SRGAP3: variants seen among roughly 807,000 people sequenced by gnomAD.
The protein encoded by SRGAP3 is SLIT-ROBO Rho GTPase-activating protein 3.
SRGAP3 carries 39 observed loss-of-function variants against 121.1 expected under a neutral mutation model. That is an observed-to-expected ratio of 0.32 (90% CI 0.25 to 0.42). The LOEUF is 0.42. SRGAP3 is among the 10% of genes least tolerant of loss of function. The pLI is 1.00. For synonymous variants in SRGAP3, 601 were observed against 570.0 expected (o/e 1.05, Z -0.77); for missense variants, 1,213 against 1,470.6 (o/e 0.82, Z 2.86).
intron 1 of SRGAP3, chr3:9,349,247 C>G: frequency 1.8e-6 from 1 of 557,270 alleles, no homozygotes; most frequent in Non-Finnish European, 3.4e-6. Flanking sequence ...CATCGCGTCC[C>G]CCTGCCCCTC....
chr3:9,058,714 C>CTTTTTTTTTTTTT (rs71049768), intron 6 of SRGAP3: 1 of 192,552 alleles, frequency 5.2e-6, no homozygotes, highest in African/African-American at 4.8e-5. Context: ...TTCTCTCTCT[C>CTTTTTTTTTTTTT]TTTTTTTTTT....
At chr3:9,216,726 A>C (rs1156615164) in intron 1 of SRGAP3, 1 of 152,612 alleles carries the variant, frequency 6.6e-6, no homozygotes, top group Non-Finnish European at 1.5e-5. Context: ...AACTGACAAG[A>C]CCGCAGCACA....
At chr3:9,312,897 C>A (rs1037308371) in intron 3 of SRGAP3, among the ~76,000 whole-genome samples, 1 of 152,132 alleles carries the variant, frequency 6.6e-6, no homozygotes, top group Admixed American at 6.5e-5. Context: ...GAGACTGAGG[C>A]AGGGGGATCA....
chr3:9,122,818 G>C (rs1394645131), intron 2 of SRGAP3, among the ~76,000 whole-genome samples: 2 of 152,064 alleles, frequency 1.3e-5, no homozygotes, highest in African/African-American at 2.4e-5. Flanking sequence ...AGGCACATAA[G>C]TGAGTGTTCA....
Position 9,076,664 on chromosome 3 carries a change from T to C in SRGAP3, c.486+3361A>G, listed in dbSNP as rs76149708. 8.3e-3 allele frequency among the ~76,000 whole-genome samples: 1,258 copies of C among 152,272 alleles called. 20 individuals carry two copies. Among genetic ancestry groups the C allele is most frequent in the African/African-American group, 0.028 (1,175 of 41,550 alleles). ...GCTCAAAGCTCACCCTGGAACACAG[T>C]AGCCCACTTTTCTGAATCTTTTTCC... On this transcript the variant is annotated intron_variant, in intron 4 of 21. Coordinates refer to ENST00000383836, the MANE Select transcript of SRGAP3 (RefSeq NM_014850.4).
chr3:9,274,720 G>T (rs1373119635), intron 3 of SRGAP3, among the ~76,000 whole-genome samples: 4 of 152,178 alleles, frequency 2.6e-5, no homozygotes, highest in African/African-American at 9.7e-5. Flanking sequence ...GATGAAAGTG[G>T]CTTTCAATGG....
Position 9,109,985 on chromosome 3 carries a change from A to C in SRGAP3, c.261-5143T>G, listed in dbSNP as rs1948557178. Among the ~76,000 whole-genome samples the C allele has an allele frequency of 6.6e-6, 1 of 152,092 alleles. No homozygotes were observed. The highest frequency in any genetic ancestry group is 1.5e-5 in the Non-Finnish European group (1 of 68,022). ...GGAAAGGGCCTTTAACTCTCATTAGAGTTCAAGCTCCGTCCTGAGGTCAGC... is the reference window on the plus strand; with the variant it reads ...GGAAAGGGCCTTTAACTCTCATTAGCGTTCAAGCTCCGTCCTGAGGTCAGC... On this transcript the variant is annotated intron_variant, in intron 2 of 21. Coordinates refer to ENST00000383836, the MANE Select transcript of SRGAP3 (RefSeq NM_014850.4). The surrounding 1 kb of genome is among the most constrained non-coding windows in gnomAD (Gnocchi z 4.4).
intron 1 of SRGAP3, among the ~76,000 whole-genome samples, chr3:9,170,156 G>T (rs1345514094): frequency 1.3e-5 from 2 of 152,212 alleles, no homozygotes; most frequent in Non-Finnish European, 2.9e-5. Context: ...GTGCTGGTGT[G>T]TGGGATGTGT....
intron 4 of SRGAP3, among the ~76,000 whole-genome samples, chr3:9,069,946 C>CA (rs200568945): frequency 0.011 from 1,720 of 150,448 alleles, 32 homozygotes; most frequent in African/African-American, 0.038. Context: ...GACTCCATCT[C>CA]AAAAAAAAAG....
At chr3:9,056,428 G>A in intron 7 of SRGAP3, 94 bp from the exon 8 acceptor site, 1 of 1,337,182 alleles carries the variant, frequency 7.5e-7, no homozygotes, top group Non-Finnish European at 1.0e-6. Context: ...CCCAATCACA[G>A]TCCAGGAAAC....
At chr3:9,331,493 C>T (rs1415636944) in intron 1 of SRGAP3, among the ~76,000 whole-genome samples, 1 of 152,168 alleles carries the variant, frequency 6.6e-6, no homozygotes, top group Non-Finnish European at 1.5e-5. Flanking sequence ...ATGTGAGACT[C>T]AAAACCCAGA....
chr3:9,044,216 A>C (rs563167137), intron 10 of SRGAP3, among the ~76,000 whole-genome samples: 27 of 152,350 alleles, frequency 1.8e-4, no homozygotes, highest in African/African-American at 6.3e-4. Context: ...AAAAGAGTAC[A>C]GCAGTCCACG....
In SRGAP3 at chr3:9,249,640, C is replaced by A; in HGVS notation, c.-689G>T. 1 of 235,594 alleles carries A rather than the reference C, an allele frequency of 4.2e-6. No homozygotes were observed. The highest frequency in any genetic ancestry group is 6.0e-5 in the East Asian group (1 of 16,594). The allele number at this position is 235,594 out of a possible 1,614,324, so 14.6% of individuals were successfully genotyped here. ...CGCTTAAGCTCCGGTGAACACAAGGCTGGACTGCTCGCCCTGCAGGGCTGG... is the reference window on the plus strand; with the variant it reads ...CGCTTAAGCTCCGGTGAACACAAGGATGGACTGCTCGCCCTGCAGGGCTGG... On this transcript the variant is annotated 5_prime_UTR_variant, in exon 1 of 22. Coordinates refer to ENST00000383836, the MANE Select transcript of SRGAP3 (RefSeq NM_014850.4).
chr3:9,021,748 G>C (rs1364562786), intron 14 of SRGAP3, among the ~76,000 whole-genome samples: 1 of 152,168 alleles, frequency 6.6e-6, no homozygotes, highest in Non-Finnish European at 1.5e-5. Flanking sequence ...TTTAACAACT[G>C]GTGAAGAATG....
intron 1 of SRGAP3, among the ~76,000 whole-genome samples, chr3:9,244,924 T>C (rs772966500): frequency 6.6e-6 from 1 of 152,176 alleles, no homozygotes; most frequent in Non-Finnish European, 1.5e-5. Context: ...AGACTTAATA[T>C]ACATGGTGCA....
chr3:9,049,283 T>G (rs1243421847), intron 9 of SRGAP3: 1 of 405,574 alleles, frequency 2.5e-6, no homozygotes, highest in African/African-American at 2.1e-5. Context: ...CTGGAACGAC[T>G]GGGCTGGTGG....
At chr3:9,039,163 C>T (rs372244926) in intron 10 of SRGAP3, among the ~76,000 whole-genome samples, 1 of 152,166 alleles carries the variant, frequency 6.6e-6, no homozygotes, top group Admixed American at 6.5e-5. Context: ...CTGACCTCTC[C>T]GCACCATGCT....
intron 1 of SRGAP3, among the ~76,000 whole-genome samples, chr3:9,126,081 C>A (rs1217176474): frequency 6.6e-6 from 1 of 152,168 alleles, no homozygotes; most frequent in East Asian, 1.9e-4. Context: ...CTCTGGGGTA[C>A]ACAAAGACAC....
At chr3:9,211,436 G>C (rs1952442516) in intron 1 of SRGAP3, among the ~76,000 whole-genome samples, 3 of 152,160 alleles carry the variant, frequency 2.0e-5, no homozygotes, top group Admixed American at 2.0e-4. Context: ...CCTTGAAGCT[G>C]GGGAGAAAGA....
Sources: gnomAD v4.1 joint callset for allele counts (sites outside exome capture counted in the v4.1 genomes callset) on GRCh38, gnomAD v4.1.1 for gene constraint, Gnocchi (gnomAD v3.1) non-coding constraint, MANE v1.5 for transcripts, NCBI Gene and HGNC (gene_info 2026-07-23, HGNC 2026-07-21) for gene names.